The following PEDS1 variants were observed in gnomAD, a reference collection of about 807,000 sequenced individuals.
PEDS1 encodes the protein plasmanylethanolamine desaturase 1.
PEDS1 carries 14 observed loss-of-function variants against 35.2 expected under a neutral mutation model. That is an observed-to-expected ratio of 0.40 (90% confidence interval 0.26 to 0.62). PEDS1 has a LOEUF of 0.62. Ranked by LOEUF, PEDS1 falls within the 20% of genes least tolerant of loss-of-function variation. The pLI is 0.44. For synonymous variants in PEDS1, 152 were observed against 152.0 expected, an observed-to-expected ratio of 1.00 and a Z score of 0.00; for missense variants, 260 against 367.8, an observed-to-expected ratio of 0.71 and a Z score of 2.40.
rs993735750 is a variant in PEDS1, at chr20:50,153,574, A to G, written c.64T>C (p.Cys22Arg). 24 of 1,435,102 alleles carry G rather than the reference A, an allele frequency of 1.7e-5. No individual in the cohort carries two copies. Among genetic ancestry groups the G allele is most frequent in the Non-Finnish European group, 2.2e-5 (24 of 1,088,450 alleles). The allele number at this position is 1,435,102 out of a possible 1,614,324, so 88.9% of individuals were successfully genotyped here. A position where few individuals can be genotyped will look rare whatever the true frequency, so the allele number is the denominator to read the frequency against. ...CCGGCGTGCTGCGCGCCCCAGCGGC[A>G]ACAAGACGCCTCGTCCTCGTCCAGC... is the stretch of plus-strand genomic sequence containing the variant. Reference protein sequence around the residue: ...LELDEDEASCCRWGAQHAGAR... With the variant: ...LELDEDEASCRRWGAQHAGAR... Residue 22 changes from cysteine to arginine, a missense_variant, in exon 1 of 6, where the codon TGC becomes CGC. Transcript: ENST00000371652.
At chr20:50,150,314 T>C (rs232734) in intron 1 of PEDS1, among the ~76,000 whole-genome samples, 89,592 of 151,996 alleles carry the variant, frequency 0.59, 27,528 homozygotes, top group African/African-American at 0.78. Flanking sequence ...TCAAACATTC[T>C]GCTCCTAGAA....
intron 2 of PEDS1, among the ~76,000 whole-genome samples, chr20:50,142,920 T>C (rs1251052625): frequency 6.6e-6 from 1 of 151,916 alleles, no homozygotes; most frequent in South Asian, 2.1e-4. Flanking sequence ...AGACGCACAG[T>C]CAGGGGGCCA....
At chr20:50,150,661 C>T (rs974869416) in intron 1 of PEDS1, among the ~76,000 whole-genome samples, 9 of 152,062 alleles carry the variant, frequency 5.9e-5, no homozygotes, top group African/African-American at 2.4e-5. Flanking sequence ...GTTTATGGCC[C>T]GGCTATTTAC....
chr20:50,153,301 T>A (rs2081424975), intron 1 of PEDS1, among the ~76,000 whole-genome samples: 1 of 152,016 alleles, frequency 6.6e-6, no homozygotes, highest in Non-Finnish European at 1.5e-5. Flanking sequence ...TTTCTTGATC[T>A]GGGGAGTGTC....
intron 5 of PEDS1, among the ~76,000 whole-genome samples, chr20:50,127,664 T>C (rs191599713): frequency 6.6e-6 from 1 of 152,324 alleles, no homozygotes; most frequent in East Asian, 1.9e-4. Context: ...CTATTTTGTT[T>C]GCTGCAGGAG....
chr20:50,143,404 A>C lies in PEDS1; in HGVS notation c.241+98T>G, dbSNP rs1353409655. 2.0e-6 allele frequency: 3 copies of C among 1,517,548 alleles called. No individual in the cohort carries two copies. The African/African-American group carries it at 4.1e-5, about 21-fold the overall frequency. The allele number at this position is 1,517,548 out of a possible 1,614,324, so 94.0% of individuals were successfully genotyped here. On this transcript the variant is annotated intron_variant, in intron 2 of 5. Transcript: ENST00000371652. Reference sequence around the variant, plus strand: ...CAAGGCACATACTGGACTCAAGCACACACATCCATGCATGTGGACACACAC... The same window carrying C: ...CAAGGCACATACTGGACTCAAGCACCCACATCCATGCATGTGGACACACAC...
chr20:50,125,300 A>G (rs2081088251), intron 5 of PEDS1, 121 bp from the exon 6 acceptor site: 5 of 1,341,606 alleles, frequency 3.7e-6, no homozygotes, highest in Non-Finnish European at 5.1e-6. Context: ...ACAGGATAGG[A>G]CACAGGGACC....
At chr20:50,152,146 T>C (rs936934962) in intron 1 of PEDS1, among the ~76,000 whole-genome samples, 3 of 152,090 alleles carry the variant, frequency 2.0e-5, no homozygotes, top group African/African-American at 4.8e-5. Context: ...GAAGAAACCA[T>C]AGCGGCATGG....
chr20:50,134,167 ATGAGGTCAAC>A (rs2081208275), intron 2 of PEDS1, among the ~76,000 whole-genome samples: 1 of 152,220 alleles, frequency 6.6e-6, no homozygotes, highest in Non-Finnish European at 1.5e-5. Context: ...TACTTGCTTA[ATGAGGTCAAC>A]TGAGGTATCT....
intron 1 of PEDS1, chr20:50,151,162 C>T: frequency 9.7e-7 from 1 of 1,033,964 alleles, no homozygotes; most frequent in Non-Finnish European, 1.3e-6. Flanking sequence ...AGCAGAGAGG[C>T]CAGTGGAAAG....
intron 1 of PEDS1, among the ~76,000 whole-genome samples, chr20:50,151,598 G>A (rs973478708): frequency 8.5e-5 from 13 of 152,152 alleles, no homozygotes; most frequent in Non-Finnish European, 1.2e-4. Context: ...AGTGGCTCAC[G>A]CCTGTAATCC....
At chr20:50,135,355 C>A (rs1395936888) in intron 2 of PEDS1, among the ~76,000 whole-genome samples, 1 of 149,892 alleles carries the variant, frequency 6.7e-6, no homozygotes, top group Non-Finnish European at 1.5e-5. Flanking sequence ...AGTGTGCTGA[C>A]CCCTGATAGA....
At chr20:50,133,805 CT>C (rs1463849388) in intron 2 of PEDS1, among the ~76,000 whole-genome samples, 1 of 152,222 alleles carries the variant, frequency 6.6e-6, no homozygotes, top group African/African-American at 2.4e-5. Flanking sequence ...CTGAGATGGC[CT>C]CATTTGTCAT....
At chr20:50,130,418 G>A (rs76905385) in intron 3 of PEDS1, among the ~76,000 whole-genome samples, 2,080 of 152,214 alleles carry the variant, frequency 0.014, 16 homozygotes, top group East Asian at 0.069. Context: ...GTGGTCTGTC[G>A]GTCCTACTGG....
chr20:50,127,386 G>A (rs6125910), intron 5 of PEDS1, among the ~76,000 whole-genome samples: 1 of 135,002 alleles, frequency 7.4e-6, no homozygotes, highest in African/African-American at 2.8e-5. Context: ...CTGTCACCTA[G>A]GCTGGAGTGC....
chr20:50,140,538 G>T (rs1228696835), intron 2 of PEDS1, among the ~76,000 whole-genome samples: 1 of 152,216 alleles, frequency 6.6e-6, no homozygotes, highest in Non-Finnish European at 1.5e-5. Flanking sequence ...CAACCTCGGG[G>T]CCTTTGCATT....
chr20:50,147,526 C>G (rs1488573571), intron 1 of PEDS1, among the ~76,000 whole-genome samples: 1 of 152,154 alleles, frequency 6.6e-6, no homozygotes, highest in Non-Finnish European at 1.5e-5. Flanking sequence ...ATCTCATTTC[C>G]TAGACAAGGA....
chr20:50,135,009 C>T (rs930421055), intron 2 of PEDS1, among the ~76,000 whole-genome samples: 6 of 151,764 alleles, frequency 4.0e-5, no homozygotes, highest in Non-Finnish European at 5.9e-5. Context: ...ATGGTGAAAC[C>T]CCGTCTTTAC....
At chr20:50,152,240 T>C (rs946956673) in intron 1 of PEDS1, among the ~76,000 whole-genome samples, 1 of 152,198 alleles carries the variant, frequency 6.6e-6, no homozygotes, top group African/African-American at 2.4e-5. Flanking sequence ...AAATGGTCCG[T>C]GGCCATGCCG....
Sources: gnomAD v4.1 joint callset for allele counts (sites outside exome capture counted in the v4.1 genomes callset) on GRCh38, gnomAD v4.1.1 for gene constraint, MANE v1.5 for transcripts, NCBI Gene and HGNC (gene_info 2026-07-23, HGNC 2026-07-21) for gene names.